Variants in ADCY9 observed in about 807,000 individuals in gnomAD.
ADCY9 encodes the protein adenylate cyclase type 9.
In ADCY9, 50 loss-of-function variants were observed where a neutral mutation model predicts 101.5. That is an observed-to-expected ratio of 0.49 (90% CI 0.39 to 0.62). The LOEUF (loss-of-function observed/expected upper bound fraction) is 0.62. Ranked by LOEUF, ADCY9 falls within the 20% of genes least tolerant of loss-of-function variation. The probability of loss-of-function intolerance (pLI) is 0.00; values close to 1 mark genes in which losing one functional copy is unlikely to be tolerated. For synonymous variants in ADCY9, 905 were observed against 769.3 expected (o/e 1.18, Z -2.92); for missense variants, 1,662 against 1,800.4 (o/e 0.92, Z 1.39).
chr16:3,994,031 G>T (rs1027479859), intron 3 of ADCY9, among the ~76,000 whole-genome samples: 4 of 152,106 alleles, frequency 2.6e-5, no homozygotes, highest in African/African-American at 9.7e-5. Flanking sequence ...GCTACGATTC[G>T]AATGTTTGTG....
chr16:4,061,159 T>A (rs2056771417), intron 2 of ADCY9, among the ~76,000 whole-genome samples: 2 of 151,434 alleles, frequency 1.3e-5, no homozygotes, highest in African/African-American at 4.9e-5. Flanking sequence ...AATTATCCAA[T>A]CTGAAGAAGA....
chr16:3,977,345 G>T, intron 9 of ADCY9, 137 bp downstream of exon 9: 1 of 1,126,304 alleles, frequency 8.9e-7, no homozygotes, highest in Non-Finnish European at 1.3e-6. Flanking sequence ...GATGTGTGCT[G>T]ACAGCTATTT....
chr16:3,978,059 A>G (rs2601775), intron 8 of ADCY9, among the ~76,000 whole-genome samples: 110,627 of 151,996 alleles, frequency 0.73, 40,743 homozygotes, highest in Non-Finnish European at 0.78. Context: ...CACCGATACC[A>G]GCTAATTGCT....
chr16:4,086,265 G>A (rs8048111), intron 2 of ADCY9, among the ~76,000 whole-genome samples: 1,817 of 152,138 alleles, frequency 0.012, 44 homozygotes, highest in African/African-American at 0.042. Context: ...CAGGGAAACC[G>A]CCTCTCCGGT....
At position 4,076,535 on chromosome 16, in the gene ADCY9, T is replaced by C. The variant is rs1479145931; in HGVS notation, c.1693+37215A>G. On this transcript the variant is annotated intron_variant, in intron 2 of 10. Coordinates refer to ENST00000294016, the MANE Select transcript of ADCY9 (RefSeq NM_001116.4). Reference sequence around the variant, plus strand: ...TGAAATATTCCCAAGCTCTCACCTCTAAGGTCTAAGTGGATCTTGTGATAA... The same window carrying C: ...TGAAATATTCCCAAGCTCTCACCTCCAAGGTCTAAGTGGATCTTGTGATAA... Among the ~76,000 whole-genome samples the C allele has an allele frequency of 2.6e-5, 4 of 152,190 alleles. No individual in the cohort carries two copies. The East Asian group carries it at 7.7e-4, about 29-fold the overall frequency.
intron 2 of ADCY9, among the ~76,000 whole-genome samples, chr16:4,059,688 G>A (rs945078121): frequency 3.3e-5 from 5 of 151,820 alleles, no homozygotes; most frequent in African/African-American, 1.2e-4. Flanking sequence ...GCTTGAGGCT[G>A]GGAGTCAGAG....
At chr16:4,028,630 T>A (rs2056533605) in intron 2 of ADCY9, among the ~76,000 whole-genome samples, 1 of 152,192 alleles carries the variant, frequency 6.6e-6, no homozygotes, top group African/African-American at 2.4e-5. Flanking sequence ...ATGGACCTCA[T>A]GGGATGATGG....
chr16:4,115,259 C>T lies in ADCY9; in HGVS notation c.184G>A (p.Gly62Ser), dbSNP rs2057142464. Reference protein sequence around the residue: ...SSCSSSGDSGGVPRRVGGGGR... With the variant: ...SSCSSSGDSGSVPRRVGGGGR... Reference sequence around the variant, plus strand: ...CCGCCGCCCACTCGCCGGGGGACGCCCCCGGAGTCCCCAGAGCTGCTGCAG... The same window carrying T: ...CCGCCGCCCACTCGCCGGGGGACGCTCCCGGAGTCCCCAGAGCTGCTGCAG... The change falls in exon 2 of 11, where the codon GGC becomes AGC. Residue 62 changes from glycine (G) to serine (S), a missense_variant. Gly to Ser is a moderately conservative substitution (Grantham distance 56). This residue lies in a region of ADCY9 where 422 missense variants were observed against 392.0 expected (regional missense o/e 1.08). Coordinates refer to ENST00000294016, the MANE Select transcript of ADCY9 (RefSeq NM_001116.4). This position sits in a 1 kb window ranked among gnomAD's most constrained non-coding sequence, Gnocchi z 6.2. The T allele has an allele frequency of 6.2e-7, 1 of 1,613,504 alleles. No individual in the cohort carries two copies. Among genetic ancestry groups the T allele is most frequent in the Non-Finnish European group, 8.5e-7 (1 of 1,179,710 alleles).
rs1251440477 is a variant in ADCY9 at position 4,097,546 on chromosome 16, T to C, written c.1693+16204A>G. Among the ~76,000 whole-genome samples, 18 of 50,788 alleles carry C rather than the reference T, an allele frequency of 3.5e-4. 2 individuals are homozygous for C. The highest frequency in any genetic ancestry group is 2.4e-3 in the African/African-American group (18 of 7,442). 33.3% of individuals were successfully genotyped at this position (50,788 alleles called of 152,430 possible). Reference sequence around the variant, plus strand: ...ATATGTACATATATATATATATATATATATATATTTTTTTTTTTTTTTTTT... The same window carrying C: ...ATATGTACATATATATATATATATACATATATATTTTTTTTTTTTTTTTTT... On this transcript the variant is annotated intron_variant, in intron 2 of 10. Transcript: ENST00000294016.
intron 2 of ADCY9, among the ~76,000 whole-genome samples, chr16:4,092,260 A>G (rs1400403540): frequency 6.6e-6 from 1 of 152,210 alleles, no homozygotes; most frequent in African/African-American, 2.4e-5. Context: ...ACAGAGCAAG[A>G]CCCTGTCTCA....
chr16:4,088,902 C>T (rs984542404), intron 2 of ADCY9, among the ~76,000 whole-genome samples: 9 of 151,978 alleles, frequency 5.9e-5, no homozygotes, highest in African/African-American at 2.2e-4. Flanking sequence ...GTGCAACCAT[C>T]ACCATAGCCC....
chr16:4,064,835 A>C (rs927201421), intron 2 of ADCY9, among the ~76,000 whole-genome samples: 1 of 152,140 alleles, frequency 6.6e-6, no homozygotes, highest in South Asian at 2.1e-4. Context: ...AAAAGAAAAA[A>C]ATGTACAACT....
intron 10 of ADCY9, among the ~76,000 whole-genome samples, chr16:3,971,505 T>C (rs2056051714): frequency 2.0e-5 from 3 of 152,170 alleles, no homozygotes. Flanking sequence ...ACTCATTTCG[T>C]GAACTGCTAT....
At chr16:3,994,655 G>A (rs769865178) in intron 3 of ADCY9, among the ~76,000 whole-genome samples, 39 of 152,202 alleles carry the variant, frequency 2.6e-4, no homozygotes, top group Non-Finnish European at 5.1e-4. Flanking sequence ...ACGGGGTTTC[G>A]CCATGTTGGC....
intron 3 of ADCY9, among the ~76,000 whole-genome samples, chr16:4,001,175 G>A (rs1017141517): frequency 6.6e-6 from 1 of 152,096 alleles, no homozygotes; most frequent in Non-Finnish European, 1.5e-5. Flanking sequence ...TTATTCTGAT[G>A]TCCCCAGTTT....
chr16:3,989,408 C>T (rs1169194199), intron 5 of ADCY9, among the ~76,000 whole-genome samples: 1 of 151,966 alleles, frequency 6.6e-6, no homozygotes, highest in Non-Finnish European at 1.5e-5. Flanking sequence ...CAAGGTCTCA[C>T]TCTGTCGCCC....
At chr16:4,009,734 C>T (rs764581169) in intron 2 of ADCY9, among the ~76,000 whole-genome samples, 22 of 152,222 alleles carry the variant, frequency 1.4e-4, no homozygotes, top group African/African-American at 3.9e-4. Context: ...ACTAATTTCT[C>T]GGACCTGTCC....
At chr16:3,981,309 TA>T (rs1218014480) in intron 7 of ADCY9, among the ~76,000 whole-genome samples, 1 of 152,084 alleles carries the variant, frequency 6.6e-6, no homozygotes, top group Non-Finnish European at 1.5e-5. Context: ...GAGCAGGGAA[TA>T]ATAGCTAAAG....
intron 2 of ADCY9, among the ~76,000 whole-genome samples, chr16:4,038,543 G>C (rs887793097): frequency 1.3e-5 from 2 of 152,118 alleles, no homozygotes; most frequent in African/African-American, 2.4e-5. Flanking sequence ...AATTTCTATT[G>C]TTTGGAAATC....
Sources: gnomAD v4.1 joint callset for allele counts (sites outside exome capture counted in the v4.1 genomes callset) on GRCh38, gnomAD v4.1.1 for gene constraint, gnomAD v4.1.1 regional missense constraint, Gnocchi (gnomAD v3.1) non-coding constraint, MANE v1.5 for transcripts, NCBI Gene and HGNC (gene_info 2026-07-23, HGNC 2026-07-21) for gene names.